The following FHIT variants were observed in gnomAD, a reference collection of about 807,000 sequenced individuals.
FHIT encodes the protein fragile histidine triad diadenosine triphosphatase.
FHIT carries 19 observed loss-of-function variants against 17.9 expected under a neutral mutation model. The ratio of observed to expected loss-of-function variants is 1.06; its 90% CI spans 0.74 to 1.56. The LOEUF is 1.56. Among genes scored for constraint, FHIT ranks in the 40% most tolerant of loss-of-function variants. The pLI, the probability that FHIT is intolerant of heterozygous loss-of-function variation, is 0.00. For missense variants in FHIT, 248 were observed against 189.2 expected, an observed-to-expected ratio of 1.31 and a Z score of -1.82; for synonymous variants, 81 against 69.7, an observed-to-expected ratio of 1.16 and a Z score of -0.81.
intron 7 of FHIT, among the ~76,000 whole-genome samples, chr3:59,933,044 A>T (rs1444945205): frequency 1.3e-5 from 2 of 152,150 alleles, no homozygotes; most frequent in Non-Finnish European, 2.9e-5. Context: ...CTCAAAAAGA[A>T]GTCCCAGGCT....
intron 5 of FHIT, among the ~76,000 whole-genome samples, chr3:60,077,176 G>GC (rs1703046375): frequency 6.6e-6 from 1 of 152,008 alleles, no homozygotes; most frequent in Non-Finnish European, 1.5e-5. Context: ...AAAGAGAGCA[G>GC]CCTAAGGAGG....
chr3:60,084,526 A>G (rs892126195), intron 5 of FHIT, among the ~76,000 whole-genome samples: 2 of 152,158 alleles, frequency 1.3e-5, no homozygotes, highest in African/African-American at 4.8e-5. Flanking sequence ...TGTAATTAAA[A>G]CAAATAATGT....
intron 2 of FHIT, among the ~76,000 whole-genome samples, chr3:61,161,579 C>T (rs779389876): frequency 2.0e-5 from 3 of 152,166 alleles, no homozygotes; most frequent in Non-Finnish European, 4.4e-5. Flanking sequence ...GCACTGCTAT[C>T]GCCTATAGGC....
intron 3 of FHIT, among the ~76,000 whole-genome samples, chr3:60,982,766 T>C (rs958123969): frequency 4.6e-5 from 7 of 152,224 alleles, no homozygotes; most frequent in African/African-American, 9.6e-5. Context: ...TTCCCTTCCA[T>C]GAGACTTTAA....
chr3:60,326,546 C>T (rs1335356274), intron 5 of FHIT, among the ~76,000 whole-genome samples: 5 of 152,192 alleles, frequency 3.3e-5, no homozygotes, highest in Non-Finnish European at 5.9e-5. Context: ...CCACTGCTCA[C>T]TTGTTGCTGT....
intron 5 of FHIT, among the ~76,000 whole-genome samples, chr3:60,096,162 C>T (rs1249741327): frequency 6.6e-6 from 1 of 152,174 alleles, no homozygotes; most frequent in Non-Finnish European, 1.5e-5. Context: ...CTGACTTGCA[C>T]ACTAGTTCCC....
chr3:59,851,989 G>A (rs921503462), intron 8 of FHIT, among the ~76,000 whole-genome samples: 1 of 152,210 alleles, frequency 6.6e-6, no homozygotes, highest in African/African-American at 2.4e-5. Context: ...TTGAGTCTCA[G>A]TTTAGTAGAG....
chr3:60,013,257 GA>G (rs1225466565), intron 6 of FHIT, among the ~76,000 whole-genome samples: 2 of 152,170 alleles, frequency 1.3e-5, no homozygotes, highest in African/African-American at 4.8e-5. Context: ...CTAACAGGCT[GA>G]GTACAGAGTC....
At chr3:61,014,958 C>T (rs796160519) in intron 3 of FHIT, among the ~76,000 whole-genome samples, 9 of 150,972 alleles carry the variant, frequency 6.0e-5, no homozygotes, top group African/African-American at 2.2e-4. Context: ...AAAAGATCCT[C>T]TTTTCTCTCA....
intron 1 of FHIT, among the ~76,000 whole-genome samples, chr3:61,222,639 T>C (rs1303441685): frequency 2.0e-5 from 3 of 151,506 alleles, no homozygotes; most frequent in African/African-American, 2.4e-5. Context: ...AAACAAAGGA[T>C]GAAAAGAAAA....
At chr3:60,131,824 AT>A (rs1416691204) in intron 5 of FHIT, among the ~76,000 whole-genome samples, 1 of 151,836 alleles carries the variant, frequency 6.6e-6, no homozygotes, top group African/African-American at 2.4e-5. Flanking sequence ...TTGCTTTCCT[AT>A]CTCTTCTCAA....
intron 5 of FHIT, among the ~76,000 whole-genome samples, chr3:60,311,381 T>G (rs537463913): frequency 6.6e-6 from 1 of 152,244 alleles, no homozygotes; most frequent in South Asian, 2.1e-4. Context: ...GTTATGCTTC[T>G]CAGGGTACTG....
chr3:60,807,316 T>C (rs1401825783), intron 4 of FHIT, among the ~76,000 whole-genome samples: 2 of 151,722 alleles, frequency 1.3e-5, no homozygotes, highest in African/African-American at 4.8e-5. Flanking sequence ...TTAAAAGGAA[T>C]GTACTAAAAT....
At chr3:60,151,743 T>G (rs77183812) in intron 5 of FHIT, among the ~76,000 whole-genome samples, 3,818 of 152,226 alleles carry the variant, frequency 0.025, 154 homozygotes, top group African/African-American at 0.082. Context: ...GTTTTCCTCT[T>G]AATACTTCCA....
intron 5 of FHIT, among the ~76,000 whole-genome samples, chr3:60,439,832 T>C (rs2030633605): frequency 6.6e-6 from 1 of 152,134 alleles, no homozygotes. Context: ...TGCAAGTGTC[T>C]TTGGGCTTGT....
intron 3 of FHIT, among the ~76,000 whole-genome samples, chr3:60,928,470 G>C (rs1707771518): frequency 6.6e-6 from 1 of 151,486 alleles, no homozygotes; most frequent in South Asian, 2.1e-4. Context: ...GATCACTTGA[G>C]CCTGGGAGGC....
At chr3:60,327,222 G>A (rs1023000661) in intron 5 of FHIT, among the ~76,000 whole-genome samples, 1 of 152,190 alleles carries the variant, frequency 6.6e-6, no homozygotes, top group Non-Finnish European at 1.5e-5. Context: ...GCTCCACCAG[G>A]GAAGGGGTTT....
chr3:60,219,893 T>C (rs1215096542), intron 5 of FHIT, among the ~76,000 whole-genome samples: 1 of 152,198 alleles, frequency 6.6e-6, no homozygotes, highest in Non-Finnish European at 1.5e-5. Flanking sequence ...CTACTCAACC[T>C]GGATCTGCCT....
chr3:60,098,143 CTTTGCTA>C (rs963549907), intron 5 of FHIT, among the ~76,000 whole-genome samples: 5 of 141,128 alleles, frequency 3.5e-5, no homozygotes, highest in African/African-American at 1.3e-4. Flanking sequence ...GGTTCCAAGT[CTTTGCTA>C]TTGTGAATAG....
Sources: gnomAD v4.1 joint callset for allele counts (sites outside exome capture counted in the v4.1 genomes callset) on GRCh38, gnomAD v4.1.1 for gene constraint, MANE v1.5 for transcripts, NCBI Gene and HGNC (gene_info 2026-07-23, HGNC 2026-07-21) for gene names.